Variants in LRRFIP1 observed in about 807,000 individuals in gnomAD.
The protein encoded by LRRFIP1 is LRR binding FLII interacting protein 1.
A neutral mutation model predicts 104.4 loss-of-function variants in LRRFIP1; 62 were observed. That is an observed-to-expected ratio of 0.59 (90% CI 0.48 to 0.73). The LOEUF is 0.73. LRRFIP1 is among the 30% of genes least tolerant of loss of function. The pLI is 0.00. For synonymous variants in LRRFIP1, 300 were observed against 299.0 expected, an observed-to-expected ratio of 1.00 and a Z score of -0.03; for missense variants, 796 against 824.5, an observed-to-expected ratio of 0.97 and a Z score of 0.42.
chr2:237,644,569 A>G (rs2084565109), intron 1 of LRRFIP1, among the ~76,000 whole-genome samples: 1 of 152,214 alleles, frequency 6.6e-6, no homozygotes, highest in Admixed American at 6.5e-5. Context: ...AATAAAAATG[A>G]GTCAGTGTTG....
At chr2:237,727,844 T>C (rs754432313) in intron 7 of LRRFIP1, 32 bp from the exon 8 acceptor site, 1 of 1,518,792 alleles carries the variant, frequency 6.6e-7, no homozygotes, top group Non-Finnish European at 9.1e-7. Flanking sequence ...TGTGTACTGA[T>C]GTCAGTTTTT....
At chr2:237,760,023 T>C (rs1348827294) in intron 18 of LRRFIP1, 41 bp from the exon 19 acceptor site, 77 of 1,591,372 alleles carry the variant, frequency 4.8e-5, no homozygotes, top group Non-Finnish European at 6.5e-5. Context: ...TAACCTAATA[T>C]CACTGAGTAA....
intron 1 of LRRFIP1, among the ~76,000 whole-genome samples, chr2:237,636,153 C>T (rs978717055): frequency 6.6e-6 from 1 of 151,222 alleles, no homozygotes; most frequent in Non-Finnish European, 1.5e-5. Context: ...AGGATCTTCT[C>T]TTTATTCTCA....
chr2:237,640,295 A>G (rs1200714906), intron 1 of LRRFIP1, among the ~76,000 whole-genome samples: 1 of 152,024 alleles, frequency 6.6e-6, no homozygotes, highest in East Asian at 1.9e-4. Flanking sequence ...TTGAGCTGAC[A>G]GTGGGGCTGG....
At chr2:237,765,012 A>C in intron 19 of LRRFIP1, 1 of 972,662 alleles carries the variant, frequency 1.0e-6, no homozygotes, top group Non-Finnish European at 1.2e-6. Context: ...CTGTAATCTC[A>C]GTACATTGGG....
chr2:237,664,216 C>T (rs1436322570), intron 1 of LRRFIP1, among the ~76,000 whole-genome samples: 3 of 152,188 alleles, frequency 2.0e-5, no homozygotes, highest in Non-Finnish European at 2.9e-5. Context: ...TGGCTGGGGC[C>T]GCAGTGGGAC....
chr2:237,742,236 G>A (rs1340537548), intron 11 of LRRFIP1, among the ~76,000 whole-genome samples: 1 of 152,184 alleles, frequency 6.6e-6, no homozygotes, highest in Non-Finnish European at 1.5e-5. Context: ...GATGGGGGTG[G>A]GTGATCTCCT....
chr2:237,684,982 G>A (rs2092230072), intron 1 of LRRFIP1, among the ~76,000 whole-genome samples: 1 of 151,962 alleles, frequency 6.6e-6, no homozygotes, highest in African/African-American at 2.4e-5. Context: ...AGCTACTTGG[G>A]AGGCTGAGTT....
intron 1 of LRRFIP1, among the ~76,000 whole-genome samples, chr2:237,695,695 C>T (rs2093130337): frequency 6.6e-6 from 1 of 151,988 alleles, no homozygotes; most frequent in Non-Finnish European, 1.5e-5. Flanking sequence ...AGACATGGGA[C>T]AGGAGAAGAG....
intron 1 of LRRFIP1, among the ~76,000 whole-genome samples, chr2:237,689,060 A>G (rs1327356105): frequency 6.6e-6 from 1 of 151,918 alleles, no homozygotes; most frequent in Non-Finnish European, 1.5e-5. Flanking sequence ...TGAAAAAAAA[A>G]AAAAAGACTG....
At chr2:237,659,688 G>A (rs2087492928) in intron 1 of LRRFIP1, among the ~76,000 whole-genome samples, 1 of 150,800 alleles carries the variant, frequency 6.6e-6, no homozygotes, top group Non-Finnish European at 1.5e-5. Context: ...TGTTGCCTAG[G>A]CTAGAGTACA....
intron 1 of LRRFIP1, among the ~76,000 whole-genome samples, chr2:237,665,974 G>C (rs1029358343): frequency 1.3e-5 from 2 of 152,224 alleles, no homozygotes; most frequent in Non-Finnish European, 2.9e-5. Context: ...AAGCACCCAG[G>C]AGCTCACGGC....
At chr2:237,733,919 T>G in intron 9 of LRRFIP1, 101 bp downstream of exon 9, 1 of 1,237,578 alleles carries the variant, frequency 8.1e-7, no homozygotes, top group South Asian at 1.2e-5. Context: ...CCCAGCCCCC[T>G]GGGGGAAGTT....
chr2:237,633,101 C>A (rs2082628149), intron 1 of LRRFIP1, among the ~76,000 whole-genome samples: 1 of 152,160 alleles, frequency 6.6e-6, no homozygotes, highest in African/African-American at 2.4e-5. Flanking sequence ...CGGCAGGACA[C>A]AGGACTGTCC....
intron 1 of LRRFIP1, among the ~76,000 whole-genome samples, chr2:237,657,986 G>C (rs1033408321): frequency 2.6e-4 from 39 of 152,284 alleles, no homozygotes; most frequent in South Asian, 2.1e-3. Context: ...AAGTACACAA[G>C]AGAACTGGCA....
chr2:237,643,522 CTT>C (rs1303741864), intron 1 of LRRFIP1, among the ~76,000 whole-genome samples: 1 of 152,244 alleles, frequency 6.6e-6, no homozygotes, highest in Non-Finnish European at 1.5e-5. Context: ...GAGTGAATGA[CTT>C]CGGTCATAAC....
intron 1 of LRRFIP1, among the ~76,000 whole-genome samples, chr2:237,667,686 A>G (rs962194627): frequency 3.9e-5 from 6 of 152,184 alleles, no homozygotes; most frequent in African/African-American, 1.4e-4. Flanking sequence ...GTGTCAAAGC[A>G]TGGAGCACAC....
chr2:237,748,608 G>A (rs1243761070), intron 12 of LRRFIP1, among the ~76,000 whole-genome samples: 3 of 152,104 alleles, frequency 2.0e-5, no homozygotes, highest in East Asian at 1.9e-4. Context: ...GCAGGGAGGC[G>A]TTTATAATGG....
intron 1 of LRRFIP1, among the ~76,000 whole-genome samples, chr2:237,647,553 C>G (rs1246153798): frequency 6.6e-6 from 1 of 152,092 alleles, no homozygotes; most frequent in South Asian, 2.1e-4. Flanking sequence ...GGAGCAGAAG[C>G]GGGGTCCTGC....
Sources: gnomAD v4.1 joint callset for allele counts (sites outside exome capture counted in the v4.1 genomes callset) on GRCh38, gnomAD v4.1.1 for gene constraint, MANE v1.5 for transcripts, NCBI Gene and HGNC (gene_info 2026-07-23, HGNC 2026-07-21) for gene names.